The following CEP126 variants were observed in gnomAD, a reference collection of about 807,000 sequenced individuals.
CEP126 encodes the protein centrosomal protein 126, also known as centrosomal protein of 126 kDa.
Under a neutral mutation model 107.8 loss-of-function variants are expected in CEP126, and 74 were observed. The observed-to-expected ratio is 0.69, with a 90% CI of 0.57 to 0.83. The LOEUF (loss-of-function observed/expected upper bound fraction) is 0.83. Ranked by LOEUF, CEP126 falls within the 40% of genes least tolerant of loss-of-function variation. The pLI is 0.00. For missense variants in CEP126, 1,237 were observed against 1,281.9 expected (o/e 0.96, Z 0.53); for synonymous variants, 449 against 446.0 (o/e 1.01, Z -0.08).
At chr11:101,946,792 G>C (rs1940742856) in intron 3 of CEP126, among the ~76,000 whole-genome samples, 1 of 151,922 alleles carries the variant, frequency 6.6e-6, no homozygotes, top group South Asian at 2.1e-4. Context: ...AACCCAAGAG[G>C]CAAAGGTCGT....
intron 6 of CEP126, among the ~76,000 whole-genome samples, chr11:101,971,582 G>A (rs528080407): frequency 6.6e-6 from 1 of 151,464 alleles, no homozygotes; most frequent in East Asian, 2.0e-4. Flanking sequence ...TTTTAGGTGG[G>A]GACTCACTGC....
chr11:101,952,566 T>TA (rs1200551309), intron 4 of CEP126, among the ~76,000 whole-genome samples: 1 of 152,144 alleles, frequency 6.6e-6, no homozygotes, highest in African/African-American at 2.4e-5. Flanking sequence ...GAAAAAGTGG[T>TA]AAAACCATTT....
intron 10 of CEP126, among the ~76,000 whole-genome samples, chr11:101,993,699 C>A (rs780595763): frequency 4.6e-5 from 7 of 152,342 alleles, no homozygotes; most frequent in Middle Eastern, 3.4e-3. Context: ...CTTTTCTCCA[C>A]AGCCTCACCA....
At chr11:101,987,713 G>A (rs1251450234) in intron 9 of CEP126, among the ~76,000 whole-genome samples, 1 of 151,624 alleles carries the variant, frequency 6.6e-6, no homozygotes, top group Non-Finnish European at 1.5e-5. Flanking sequence ...TATTGAGCAG[G>A]TGATAGAGGA....
At chr11:101,942,259 C>T (rs1940675615) in intron 2 of CEP126, among the ~76,000 whole-genome samples, 1 of 151,766 alleles carries the variant, frequency 6.6e-6, no homozygotes, top group African/African-American at 2.4e-5. Flanking sequence ...TGTTTTAGTC[C>T]CTGTATTTGG....
chr11:101,938,087 A>C (rs997330716), intron 2 of CEP126, among the ~76,000 whole-genome samples: 2 of 143,560 alleles, frequency 1.4e-5, no homozygotes, highest in African/African-American at 5.1e-5. Context: ...CGGGAAGCGG[A>C]GCTTGCAGTG....
At position 101,916,857 on chromosome 11, in the gene CEP126, A is replaced by C. The variant is rs117093261; in HGVS notation, c.128+1445A>C. Reference sequence around the variant, plus strand: ...ATATTCATAAATAGAATCCAGCAATACTTTGAATGAACACAACCAAATAGA... The same window carrying C: ...ATATTCATAAATAGAATCCAGCAATCCTTTGAATGAACACAACCAAATAGA... On this transcript the variant is annotated intron_variant, in intron 1 of 10. Transcript: ENST00000263468. 6.7e-3 allele frequency among the ~76,000 whole-genome samples: 1,027 copies of C among 152,330 alleles called. 4 individuals are homozygous for C. Among genetic ancestry groups the C allele is most frequent in the Non-Finnish European group, 7.5e-3 (511 of 68,024 alleles).
intron 1 of CEP126, chr11:101,916,066 G>A (rs1940205372): frequency 6.6e-6 from 1 of 152,232 alleles, no homozygotes; most frequent in African/African-American, 2.4e-5. Flanking sequence ...AAGAGGAGAA[G>A]TATTTTGTTA....
At chr11:101,979,431 A>C (rs1249179010) in intron 7 of CEP126, among the ~76,000 whole-genome samples, 1 of 152,082 alleles carries the variant, frequency 6.6e-6, no homozygotes, top group Non-Finnish European at 1.5e-5. Context: ...GGTCTTCAAT[A>C]AAAGTAAAAA....
chr11:101,927,930 T>C (rs1265573851), intron 2 of CEP126, among the ~76,000 whole-genome samples: 1 of 152,202 alleles, frequency 6.6e-6, no homozygotes, highest in Non-Finnish European at 1.5e-5. Context: ...AGTACTCTGG[T>C]TAGGTCATAT....
At chr11:101,990,809 G>C (rs1041059517) in intron 9 of CEP126, among the ~76,000 whole-genome samples, 2 of 152,012 alleles carry the variant, frequency 1.3e-5, no homozygotes, top group South Asian at 4.2e-4. Context: ...AACATTTCAG[G>C]GGGTGGGGGG....
intron 4 of CEP126, 148 bp downstream of exon 4, chr11:101,948,290 A>G (rs1419232536): frequency 2.2e-6 from 1 of 463,828 alleles, no homozygotes; most frequent in Non-Finnish European, 3.8e-6. Context: ...GAGGTAGAAT[A>G]GAATGAAAAT....
chr11:101,934,064 C>G (rs1247788665), intron 2 of CEP126, among the ~76,000 whole-genome samples: 1 of 151,984 alleles, frequency 6.6e-6, no homozygotes, highest in African/African-American at 2.4e-5. Flanking sequence ...CATCTTCGCT[C>G]TTTGTTTTCA....
In CEP126 at chr11:101,944,260, T is replaced by C. The variant is rs758537876; in HGVS notation, c.249-5T>C. ...TCTGTTGCCTACTTTGTGTTTTAAA[T>C]ATAGAGCTTTTGAGGAGAAACGAAA... is the stretch of plus-strand genomic sequence containing the variant. On this transcript the variant is annotated splice_region_variant and splice_polypyrimidine_tract_variant and intron_variant, in intron 2 of 10. Transcript: ENST00000263468. The C allele has an allele frequency of 1.3e-6, 2 of 1,573,130 alleles. No individual in the cohort carries two copies. The highest frequency in any genetic ancestry group is 2.4e-5 in the South Asian group (2 of 81,880).
At chr11:101,929,901 G>C (rs956433973) in intron 2 of CEP126, among the ~76,000 whole-genome samples, 1 of 151,258 alleles carries the variant, frequency 6.6e-6, no homozygotes, top group South Asian at 2.1e-4. Context: ...CAGGATTTTT[G>C]CCTAAGTTTT....
rs372385914 is a variant in CEP126, at chr11:101,997,042, A to T, written c.3310-557A>T. On this transcript the variant is annotated intron_variant, in intron 10 of 10. Transcript: ENST00000263468. ...CACTTTGAACCCTGAATTTTTATTT[A>T]TTTATTTATTTTTGAGACGGAGTCT... Among the ~76,000 whole-genome samples, 3 of 152,138 alleles carry T rather than the reference A, an allele frequency of 2.0e-5. No homozygotes were observed. In the East Asian group the frequency reaches 5.8e-4, roughly 29 times the overall value.
intron 6 of CEP126, among the ~76,000 whole-genome samples, chr11:101,972,480 C>A (rs1485708718): frequency 6.6e-6 from 1 of 151,422 alleles, no homozygotes; most frequent in Admixed American, 6.6e-5. Context: ...GCATCCCCTT[C>A]CTCCGTTACA....
intron 8 of CEP126, among the ~76,000 whole-genome samples, chr11:101,985,809 C>A (rs1208706469): frequency 1.3e-5 from 2 of 152,030 alleles, no homozygotes; most frequent in African/African-American, 4.8e-5. Flanking sequence ...TTTATTTAGT[C>A]TTTTCTTACT....
chr11:101,962,893 G>A lies in CEP126; in HGVS notation c.1858G>A (p.Gly620Ser). Reference sequence around the variant, plus strand: ...TAGTATTGAATTAACAAAGGAAAAAGGTGCAGAAATTCCAAAGACCATTAA... The same window carrying A: ...TAGTATTGAATTAACAAAGGAAAAAAGTGCAGAAATTCCAAAGACCATTAA... ...RDSIELTKEK[G>S]AEIPKTIKKL... Residue 620 changes from glycine to serine, a missense_variant, in exon 6 of 11, where the codon GGT becomes AGT. This residue lies in a region of CEP126 where 1,134 missense variants were observed against 1,150.5 expected (regional missense o/e 0.99). Coordinates refer to ENST00000263468, the MANE Select transcript of CEP126 (RefSeq NM_020802.4). The A allele has an allele frequency of 6.2e-7, 1 of 1,609,656 alleles. No homozygotes were observed. The highest frequency in any genetic ancestry group is 8.5e-7 in the Non-Finnish European group (1 of 1,179,030).
Sources: allele counts gnomAD v4.1 joint callset (sites outside exome capture counted in the v4.1 genomes callset), GRCh38; gene constraint gnomAD v4.1.1; regional missense constraint gnomAD v4.1.1; transcripts MANE v1.5; gene names NCBI Gene and HGNC (gene_info 2026-07-23, HGNC 2026-07-21).